SPECC1: variants seen among roughly 807,000 people sequenced by gnomAD.
SPECC1 encodes the protein cytospin-B.
SPECC1 carries 62 observed loss-of-function variants against 104.1 expected under a neutral mutation model. The ratio of observed to expected loss-of-function variants is 0.60; its 90% CI spans 0.49 to 0.74. The LOEUF (loss-of-function observed/expected upper bound fraction) is 0.74. SPECC1 is among the 30% of genes least tolerant of loss of function. The pLI, the probability that SPECC1 is intolerant of heterozygous loss-of-function variation, is 0.00. For synonymous variants in SPECC1, 513 were observed against 501.6 expected, an observed-to-expected ratio of 1.02 and a Z score of -0.30; for missense variants, 1,306 against 1,310.5, an observed-to-expected ratio of 1.00 and a Z score of 0.05.
At chr17:20,054,682 G>A (rs9897924) in intron 1 of SPECC1, among the ~76,000 whole-genome samples, 1 of 150,674 alleles carries the variant, frequency 6.6e-6, no homozygotes, top group Non-Finnish European at 1.5e-5. Flanking sequence ...TTCTTTTTTT[G>A]GGGGGGGTGG....
chr17:20,021,702 A>ATATATT (rs1402960712), intron 1 of SPECC1, among the ~76,000 whole-genome samples: 31 of 139,272 alleles, frequency 2.2e-4, no homozygotes, highest in African/African-American at 8.3e-4. Flanking sequence ...ATATATATAT[A>ATATATT]TTTTTTTGTA....
chr17:20,251,958 C>T (rs2039649240), intron 9 of SPECC1, among the ~76,000 whole-genome samples: 1 of 152,142 alleles, frequency 6.6e-6, no homozygotes, highest in African/African-American at 2.4e-5. Flanking sequence ...TCTTGTGGCA[C>T]TTCTCAGAGG....
chr17:20,293,575 C>T (rs959332269), intron 12 of SPECC1, among the ~76,000 whole-genome samples: 1 of 152,222 alleles, frequency 6.6e-6, no homozygotes, highest in Non-Finnish European at 1.5e-5. Flanking sequence ...AGCTTTCCAA[C>T]TTTGCTGGCT....
chr17:20,269,644 G>T lies in SPECC1; in HGVS notation c.2940+9350G>T, dbSNP rs2040332549. Among the ~76,000 whole-genome samples the T allele has an allele frequency of 2.6e-5, 4 of 152,316 alleles. No individual in the cohort carries two copies. The South Asian group carries it at 8.3e-4, about 32-fold the overall frequency. The stretch of plus-strand genomic sequence containing the variant: ...CTGCTTCGGCCTCCCAAAGTGCTGG[G>T]ATTACAGGTGTGAGCCCCTGCACCC... On this transcript the variant is annotated intron_variant, in intron 12 of 14. Transcript: ENST00000395527.
rs2044235462 is a variant in SPECC1 at position 20,018,434 on chromosome 17, A to C, written c.-22+9010A>C. Among the ~76,000 whole-genome samples the C allele has an allele frequency of 2.6e-5, 4 of 152,372 alleles. No individual in the cohort carries two copies. The South Asian group carries it at 8.3e-4, about 32-fold the overall frequency. On this transcript the variant is annotated intron_variant, in intron 1 of 14. Coordinates refer to ENST00000395527, the MANE Select transcript of SPECC1 (RefSeq NM_001243439.2). ...GGGACAGGGTCTTGCTCTGTCTCCC[A>C]GGTTAGAGTGCATTGGCGCAGTCAT... is the stretch of plus-strand genomic sequence containing the variant.
intron 3 of SPECC1, among the ~76,000 whole-genome samples, chr17:20,174,903 A>G (rs1460673069): frequency 6.6e-6 from 1 of 151,438 alleles, no homozygotes; most frequent in Admixed American, 6.6e-5. Context: ...CTTGGTCAAA[A>G]TGACCAAGGC....
rs369158277 is a variant in SPECC1 at position 20,081,719 on chromosome 17, G to T, written c.-21-14912G>T. The stretch of plus-strand genomic sequence containing the variant: ...GGAATGTAGAGCCCACGGGTGCAGC[G>T]TTCTGGGCGTCAGGATCCCGTGATG... On this transcript the variant is annotated intron_variant, in intron 1 of 14. Transcript: ENST00000395527. Among the ~76,000 whole-genome samples, 13 of 152,230 alleles carry T rather than the reference G, an allele frequency of 8.5e-5. No individual in the cohort carries two copies. In the South Asian group the frequency reaches 1.0e-3, roughly 12 times the overall value.
chr17:20,170,993 A>C (rs1028814352), intron 3 of SPECC1, among the ~76,000 whole-genome samples: 4 of 152,214 alleles, frequency 2.6e-5, no homozygotes, highest in African/African-American at 9.6e-5. Flanking sequence ...AAATCTTGGA[A>C]GGTTACATTA....
rs1023536743 is a variant in SPECC1 at position 20,038,401 on chromosome 17, T to C, written c.-22+28977T>C. The stretch of plus-strand genomic sequence containing the variant: ...TAACTATGTCCCACAAATTTTGATA[T>C]TCTTTTTTTTTTTTTTTTTTTTGAG... On this transcript the variant is annotated intron_variant, in intron 1 of 14. Transcript: ENST00000395527. Among the ~76,000 whole-genome samples, 3 of 127,868 alleles carry C rather than the reference T, an allele frequency of 2.3e-5. 1 individual carries two copies. Among genetic ancestry groups the C allele is most frequent in the African/African-American group, 6.3e-5 (2 of 31,846 alleles). The allele number at this position is 127,868 out of a possible 152,430, so 83.9% of individuals were successfully genotyped here. A position where few individuals can be genotyped will look rare whatever the true frequency, so the allele number is the denominator to read the frequency against.
chr17:20,222,022 T>TG (rs1050213393), intron 4 of SPECC1, among the ~76,000 whole-genome samples: 7 of 151,852 alleles, frequency 4.6e-5, no homozygotes, highest in African/African-American at 1.5e-4. Flanking sequence ...TTCAGTTTTT[T>TG]TTTTTTTTTT....
chr17:20,317,259 A>ATTTTTTTTTTTTTTTTT lies in SPECC1; in HGVS notation c.*3199_*3215dup, dbSNP rs762643888. On this transcript the variant is annotated 3_prime_UTR_variant, in exon 15 of 15. Transcript: ENST00000395527. Reference sequence around the variant, plus strand: ...GCAAGACCTCTGACTCTATAAAAAAATTTTTTTTTTTTTTTTTTTTTGAGA... The same window carrying ATTTTTTTTTTTTTTTTT: ...GCAAGACCTCTGACTCTATAAAAAAATTTTTTTTTTTTTTTTTTTTTTTTTTTTTTTTTTTTTTGAGA... The ATTTTTTTTTTTTTTTTT allele has an allele frequency of 0.054, 3,749 of 69,378 alleles. 600 individuals carry two copies. Among genetic ancestry groups the ATTTTTTTTTTTTTTTTT allele is most frequent in the East Asian group, 0.1 (132 of 1,258 alleles). The allele number at this position is 69,378 out of a possible 1,614,324, so 4.3% of individuals were successfully genotyped here.
intron 1 of SPECC1, among the ~76,000 whole-genome samples, chr17:20,072,042 C>CGGCCAATG (rs962107149): frequency 2.0e-5 from 3 of 152,204 alleles, no homozygotes; most frequent in African/African-American, 7.2e-5. Context: ...TCCCTCTCCA[C>CGGCCAATG]GGCCAATGGG....
In SPECC1 at chr17:20,205,205, A is replaced by G. The variant is rs138537737; in HGVS notation, c.1156A>G (p.Ser386Gly). The G allele has an allele frequency of 3.0e-5, 48 of 1,614,058 alleles. No homozygotes were observed. Among genetic ancestry groups the G allele is most frequent in the Middle Eastern group, 1.6e-4 (1 of 6,084 alleles). The change falls in exon 4 of 15, where the codon AGC becomes GGC. Residue 386 changes from serine to glycine, a missense_variant. By Grantham distance (56) the Ser-to-Gly change is moderately conservative. Transcript: ENST00000395527. ...ACAAAAGATGGAAGAAAACCACCAT[A>G]GCACTGCAGAAGAACTACAGGCTAC... ...KIQKMEENHH[S>G]TAEELQATLQ... is the part of the protein sequence containing the mutation.
At chr17:20,297,769 A>G (rs1310761365) in intron 13 of SPECC1, among the ~76,000 whole-genome samples, 2 of 152,164 alleles carry the variant, frequency 1.3e-5, no homozygotes, top group East Asian at 1.9e-4. Context: ...ACCTCCTACA[A>G]AATGTCCCAC....
chr17:20,189,341 C>T (rs1214744029), intron 3 of SPECC1, among the ~76,000 whole-genome samples: 2 of 152,132 alleles, frequency 1.3e-5, no homozygotes, highest in East Asian at 3.8e-4. Flanking sequence ...GAAGCTAAGG[C>T]GCAGTATGCA....
intron 2 of SPECC1, among the ~76,000 whole-genome samples, chr17:20,103,664 A>G (rs2048047768): frequency 6.6e-6 from 1 of 152,122 alleles, no homozygotes; most frequent in Admixed American, 6.5e-5. Flanking sequence ...CCTCTCCCAC[A>G]TACATGTGGA....
intron 5 of SPECC1, among the ~76,000 whole-genome samples, chr17:20,229,356 T>C (rs1273939400): frequency 6.6e-6 from 1 of 152,130 alleles, no homozygotes; most frequent in Non-Finnish European, 1.5e-5. Flanking sequence ...GTGAGTTCGG[T>C]GTTATTGAAT....
At chr17:20,057,314 G>A (rs982588842) in intron 1 of SPECC1, among the ~76,000 whole-genome samples, 1 of 152,020 alleles carries the variant, frequency 6.6e-6, no homozygotes, top group African/African-American at 2.4e-5. Flanking sequence ...GGTGGCGGGC[G>A]CCTATAGTCC....
At chr17:20,277,867 C>T (rs979433950) in intron 12 of SPECC1, among the ~76,000 whole-genome samples, 1 of 152,214 alleles carries the variant, frequency 6.6e-6, no homozygotes, top group Admixed American at 6.5e-5. Flanking sequence ...CTCAGCACAG[C>T]GTCCTCAGGC....
Sources: allele counts gnomAD v4.1 joint callset (sites outside exome capture counted in the v4.1 genomes callset), GRCh38; gene constraint gnomAD v4.1.1; transcripts MANE v1.5; gene names NCBI Gene and HGNC (gene_info 2026-07-23, HGNC 2026-07-21).